Variants in GABRB2 observed in about 807,000 individuals in gnomAD.
GABRB2 encodes gamma-aminobutyric acid type A receptor subunit beta2.
In GABRB2, 16 loss-of-function variants were observed where a neutral mutation model predicts 54.7. The ratio of observed to expected loss-of-function variants is 0.29; its 90% CI spans 0.20 to 0.44. The LOEUF (loss-of-function observed/expected upper bound fraction) is 0.44. Among genes scored for constraint, GABRB2 ranks in the 20% least tolerant of loss-of-function variants. GABRB2 has a pLI of 1.00. For missense variants in GABRB2, 355 were observed against 644.0 expected, an observed-to-expected ratio of 0.55 and a Z score of 4.86; for synonymous variants, 244 against 233.8, an observed-to-expected ratio of 1.04 and a Z score of -0.40.
chr5:161,489,673 C>T (rs931171537), intron 3 of GABRB2, among the ~76,000 whole-genome samples: 2 of 151,614 alleles, frequency 1.3e-5, no homozygotes, highest in Admixed American at 6.6e-5. Flanking sequence ...AGGTCTTTTT[C>T]TGCACAGCAA....
chr5:161,435,886 ATT>A (rs1757292787), intron 4 of GABRB2, among the ~76,000 whole-genome samples: 3 of 152,190 alleles, frequency 2.0e-5, no homozygotes, highest in African/African-American at 7.2e-5. Context: ...AAATTTATAG[ATT>A]TTGTTTTCTT....
chr5:161,415,922 TTTTTGTTTTG>T (rs10525407), intron 4 of GABRB2, among the ~76,000 whole-genome samples: 3,317 of 146,100 alleles, frequency 0.023, 57 homozygotes, highest in Non-Finnish European at 0.034. Context: ...CCCAAGTTTG[TTTTTGTTTTG>T]TTTTGTTTTG....
chr5:161,325,084 G>A (rs1053874565), intron 9 of GABRB2, among the ~76,000 whole-genome samples: 1 of 151,976 alleles, frequency 6.6e-6, no homozygotes, highest in African/African-American at 2.4e-5. Flanking sequence ...TTCGTTTTCA[G>A]AAATACAGCC....
At chr5:161,331,652 C>T (rs973293498) in intron 7 of GABRB2, among the ~76,000 whole-genome samples, 1 of 151,844 alleles carries the variant, frequency 6.6e-6, no homozygotes, top group Non-Finnish European at 1.5e-5. Context: ...ACCATGATCT[C>T]GGAAAAATCA....
rs1404608978 is a variant in GABRB2 at position 161,334,807 on chromosome 5, G to C, written c.777C>G (p.Leu259=). 1 of 1,614,070 alleles carries C rather than the reference G, an allele frequency of 6.2e-7. No individual in the cohort carries two copies. The highest frequency in any genetic ancestry group is 2.2e-5 in the East Asian group (1 of 44,880). Residue 259 remains leucine, a synonymous_variant, in exon 7 of 10, where the codon CTC becomes CTG. Transcript: ENST00000393959. ...AATTAATCCAGAAGGAGACCCAGGAGAGGATGGTAATCAGGATGGAAGGCA... is the reference window on the plus strand; with the variant it reads ...AATTAATCCAGAAGGAGACCCAGGACAGGATGGTAATCAGGATGGAAGGCA... The part of the protein sequence containing the change: ...TYMPSILITI[L]SWVSFWINYD...
intron 4 of GABRB2, among the ~76,000 whole-genome samples, chr5:161,440,094 C>T (rs1001828971): frequency 6.5e-5 from 9 of 138,500 alleles, no homozygotes; most frequent in African/African-American, 2.4e-4. Flanking sequence ...ACACATACCA[C>T]ATATACACAA....
intron 7 of GABRB2, among the ~76,000 whole-genome samples, chr5:161,333,646 G>C (rs556730326): frequency 6.6e-6 from 1 of 151,658 alleles, no homozygotes; most frequent in Admixed American, 6.6e-5. Context: ...GATCCTTTAG[G>C]CCTCTTTCCC....
intron 3 of GABRB2, among the ~76,000 whole-genome samples, chr5:161,487,080 AT>A (rs1171785768): frequency 1.3e-5 from 2 of 151,950 alleles, no homozygotes; most frequent in Non-Finnish European, 2.9e-5. Context: ...AAGAATTGAT[AT>A]TCTTTCTAGG....
In GABRB2 at chr5:161,330,899, C is replaced by A. The variant is rs371217448; in HGVS notation, c.1061G>T (p.Arg354Leu). The stretch of plus-strand genomic sequence containing the variant: ...TGAATTTACCTTGTTGACATCCAGG[C>A]GCATCTTCTCATTGTTGGCACTGGC... ...KAASANNEKM[R>L]LDVNKIFYKD... The change falls in exon 8 of 10, where the codon CGC becomes CTC. Residue 354 changes from arginine (R) to leucine (L), a missense_variant. Around this residue, in one of 6 missense-constraint regions of GABRB2, gnomAD observed 201 missense variants for 228.1 expected, o/e 0.88. Coordinates refer to ENST00000393959, the MANE Select transcript of GABRB2 (RefSeq NM_001371727.1). 1.2e-6 allele frequency: 2 copies of A among 1,614,198 alleles called. No homozygotes were observed. Among genetic ancestry groups the A allele is most frequent in the Admixed American group, 3.3e-5 (2 of 60,032 alleles).
intron 5 of GABRB2, among the ~76,000 whole-genome samples, chr5:161,398,927 A>AT (rs1054924192): frequency 1.3e-5 from 2 of 151,752 alleles, no homozygotes; most frequent in African/African-American, 4.8e-5. Context: ...TCACTGTTTT[A>AT]TTTTTTGCCA....
At chr5:161,426,793 T>A (rs946768490) in intron 4 of GABRB2, among the ~76,000 whole-genome samples, 32 of 152,058 alleles carry the variant, frequency 2.1e-4, no homozygotes, top group African/African-American at 7.0e-4. Flanking sequence ...ACTAACAATA[T>A]TATAGCACAT....
At chr5:161,462,128 C>G (rs1404703061) in intron 3 of GABRB2, among the ~76,000 whole-genome samples, 1 of 152,154 alleles carries the variant, frequency 6.6e-6, no homozygotes, top group Non-Finnish European at 1.5e-5. Context: ...ATTTTACAAT[C>G]AAACTTCTAT....
intron 4 of GABRB2, among the ~76,000 whole-genome samples, chr5:161,451,668 T>A (rs919051553): frequency 3.3e-5 from 5 of 152,170 alleles, no homozygotes; most frequent in Non-Finnish European, 7.4e-5. Context: ...AAGAAATATA[T>A]TTTAAATATG....
rs375804676 is a variant in GABRB2, at chr5:161,518,403, A to G, written c.237+26824T>C. Among the ~76,000 whole-genome samples, 257 of 152,260 alleles carry G rather than the reference A, an allele frequency of 1.7e-3. 3 individuals carry two copies. Among genetic ancestry groups the G allele is most frequent in the African/African-American group, 6.0e-3 (248 of 41,556 alleles). ...GGACATTACTTACCCCTGTTGACAT[A>G]ACTTAACTGAGAAACAGGTAGTCAG... is the stretch of plus-strand genomic sequence containing the variant. On this transcript the variant is annotated intron_variant, in intron 3 of 9. Coordinates refer to ENST00000393959, the MANE Select transcript of GABRB2 (RefSeq NM_001371727.1).
intron 7 of GABRB2, among the ~76,000 whole-genome samples, chr5:161,334,101 A>G (rs1036911984): frequency 1.3e-5 from 2 of 152,234 alleles, no homozygotes; most frequent in African/African-American, 4.8e-5. Flanking sequence ...GTAAAAGTGA[A>G]CAATTCAACA....
chr5:161,527,603 A>G (rs1760323099), intron 3 of GABRB2, among the ~76,000 whole-genome samples: 1 of 151,588 alleles, frequency 6.6e-6, no homozygotes, highest in African/African-American at 2.4e-5. Context: ...CTTAATACAT[A>G]AAAAGTTACA....
intron 5 of GABRB2, among the ~76,000 whole-genome samples, chr5:161,410,403 C>T (rs1477111089): frequency 6.6e-6 from 1 of 151,156 alleles, no homozygotes; most frequent in East Asian, 1.9e-4. Flanking sequence ...CACACACACA[C>T]ACACACACAC....
chr5:161,442,255 T>A (rs1464762317), intron 4 of GABRB2, among the ~76,000 whole-genome samples: 1 of 152,122 alleles, frequency 6.6e-6, no homozygotes, highest in Non-Finnish European at 1.5e-5. Context: ...TGTACTTTTT[T>A]AAATAAATAA....
At chr5:161,370,389 G>C (rs1755097544) in intron 5 of GABRB2, among the ~76,000 whole-genome samples, 1 of 152,170 alleles carries the variant, frequency 6.6e-6, no homozygotes, top group African/African-American at 2.4e-5. Context: ...TGCAGAAGTA[G>C]AGTTGAAAAT....
Sources: gnomAD v4.1 joint callset for allele counts (sites outside exome capture counted in the v4.1 genomes callset) on GRCh38, gnomAD v4.1.1 for gene constraint, gnomAD v4.1.1 regional missense constraint, MANE v1.5 for transcripts, NCBI Gene and HGNC (gene_info 2026-07-23, HGNC 2026-07-21) for gene names.